PCED1B: variants seen among roughly 807,000 people sequenced by gnomAD.
The protein encoded by PCED1B is PC-esterase domain containing 1B, also known as PC-esterase domain-containing protein 1B.
For synonymous variants in PCED1B, 251 were observed against 246.1 expected (o/e 1.02, Z -0.19); for missense variants, 573 against 573.9 (o/e 1.00, Z 0.02).
chr12:47,131,125 T>A (rs1229194525), intron 2 of PCED1B, among the ~76,000 whole-genome samples: 2 of 152,202 alleles, frequency 1.3e-5, no homozygotes, highest in African/African-American at 4.8e-5. Flanking sequence ...ATATCCTTAT[T>A]CTATCACTTG....
chr12:47,160,426 T>A (rs1304180100), intron 2 of PCED1B, among the ~76,000 whole-genome samples: 1 of 150,970 alleles, frequency 6.6e-6, no homozygotes, highest in African/African-American at 2.4e-5. Flanking sequence ...CTCAGCCTCC[T>A]GAGTAGCTAG....
At chr12:47,216,788 A>G (rs1292354582) in intron 3 of PCED1B, 99 bp downstream of exon 3, 1 of 152,202 alleles carries the variant, frequency 6.6e-6, no homozygotes, top group Non-Finnish European at 1.5e-5. Flanking sequence ...CTTACTGTAG[A>G]CAGGAATCAG....
intron 2 of PCED1B, among the ~76,000 whole-genome samples, chr12:47,141,584 C>T (rs757912941): frequency 1.3e-5 from 2 of 152,110 alleles, no homozygotes; most frequent in African/African-American, 4.8e-5. Context: ...GCTCTCTTGG[C>T]CATGGTCTGA....
chr12:47,176,216 A>G (rs1941919539), intron 2 of PCED1B, among the ~76,000 whole-genome samples: 1 of 152,242 alleles, frequency 6.6e-6, no homozygotes, highest in African/African-American at 2.4e-5. Context: ...TTCCTGGCAC[A>G]GAGCTCCTAA....
chr12:47,131,808 A>G (rs1940141565), intron 2 of PCED1B, among the ~76,000 whole-genome samples: 1 of 151,892 alleles, frequency 6.6e-6, no homozygotes, highest in Non-Finnish European at 1.5e-5. Flanking sequence ...AGCTGGGATT[A>G]CAGGCATGCG....
At chr12:47,192,361 GA>G (rs2137663144) in intron 2 of PCED1B, among the ~76,000 whole-genome samples, 1 of 151,614 alleles carries the variant, frequency 6.6e-6, no homozygotes, top group Non-Finnish European at 1.5e-5. Flanking sequence ...ATGTAGCCTG[GA>G]AAAAAAATGG....
intron 3 of PCED1B, among the ~76,000 whole-genome samples, chr12:47,226,057 C>A (rs1277874510): frequency 2.6e-5 from 4 of 152,064 alleles, no homozygotes; most frequent in African/African-American, 9.7e-5. Context: ...AAACAAGATG[C>A]TGGAAAGTAA....
chr12:47,222,572 G>C (rs1943517228), intron 3 of PCED1B, among the ~76,000 whole-genome samples: 2 of 152,256 alleles, frequency 1.3e-5, no homozygotes, highest in African/African-American at 2.4e-5. Flanking sequence ...GTCTGGGCTA[G>C]AGACAAAGAT....
chr12:47,133,666 C>A (rs1940225617), intron 2 of PCED1B, among the ~76,000 whole-genome samples: 1 of 152,140 alleles, frequency 6.6e-6, no homozygotes, highest in Non-Finnish European at 1.5e-5. Flanking sequence ...AAAAATTATA[C>A]CCAGATATAT....
At chr12:47,121,493 A>G (rs982543814) in intron 2 of PCED1B, among the ~76,000 whole-genome samples, 9 of 152,222 alleles carry the variant, frequency 5.9e-5, no homozygotes, top group African/African-American at 1.9e-4. Flanking sequence ...TCTTTTTTTA[A>G]AGAAATCTCC....
intron 2 of PCED1B, among the ~76,000 whole-genome samples, chr12:47,168,720 A>G (rs943241938): frequency 1.3e-5 from 2 of 152,166 alleles, no homozygotes; most frequent in Admixed American, 1.3e-4. Flanking sequence ...TTGCTTTGAA[A>G]TAATTTTGAA....
In PCED1B at chr12:47,235,486, G is replaced by A. The variant is rs550865075; in HGVS notation, c.423G>A (p.Glu141=). Residue 141 remains glutamate (E), a synonymous_variant, in exon 4 of 4, where the codon GAG becomes GAA. Transcript: ENST00000546455. ...YGPNSWRSYL[E]NLENLFQCLG... is the part of the protein sequence containing the mutation. ...CGAACTCCTGGAGAAGCTACCTGGA[G>A]AACCTGGAGAACCTGTTCCAGTGCC... 6.2e-6 allele frequency: 10 copies of A among 1,613,360 alleles called. No homozygotes were observed. In the African/African-American group the frequency reaches 1.2e-4, roughly 19 times the overall value.
At chr12:47,100,575 G>T (rs1938659584) in intron 1 of PCED1B, among the ~76,000 whole-genome samples, 1 of 152,076 alleles carries the variant, frequency 6.6e-6, no homozygotes, top group African/African-American at 2.4e-5. Flanking sequence ...TCAAAATATT[G>T]AGTCAGAAAC....
rs148826369 is a variant in PCED1B, at chr12:47,098,063, A to G, written c.-608-6050A>G. On this transcript the variant is annotated intron_variant, in intron 1 of 3. Transcript: ENST00000546455. ...CATTTGCTTTTGGGTAGTAGTTGAC[A>G]TGCTTTGGGGCATTTATGCTGCCTC... Among the ~76,000 whole-genome samples, 7 of 152,320 alleles carry G rather than the reference A, an allele frequency of 4.6e-5. No individual in the cohort carries two copies. In the East Asian group the frequency reaches 1.3e-3, roughly 29 times the overall value.
chr12:47,111,344 G>T (rs903160505), intron 2 of PCED1B, among the ~76,000 whole-genome samples: 2 of 152,046 alleles, frequency 1.3e-5, no homozygotes, highest in Non-Finnish European at 2.9e-5. Flanking sequence ...GATCACCATG[G>T]TTTTCACTGA....
intron 2 of PCED1B, among the ~76,000 whole-genome samples, chr12:47,105,033 C>T (rs1015096453): frequency 7.9e-5 from 12 of 152,224 alleles, no homozygotes; most frequent in Non-Finnish European, 1.5e-4. Context: ...AAAATGGACT[C>T]ACTCTGCTAA....
chr12:47,222,513 A>G (rs771787974), intron 3 of PCED1B, among the ~76,000 whole-genome samples: 1 of 151,442 alleles, frequency 6.6e-6, no homozygotes, highest in Non-Finnish European at 1.5e-5. Flanking sequence ...CTCCAACCCC[A>G]GATAACTTTA....
chr12:47,155,662 T>C (rs1434057315), intron 2 of PCED1B, among the ~76,000 whole-genome samples: 1 of 152,178 alleles, frequency 6.6e-6, no homozygotes, highest in African/African-American at 2.4e-5. Flanking sequence ...TCCTAGAGGT[T>C]AGGTAAAGTA....
intron 2 of PCED1B, among the ~76,000 whole-genome samples, chr12:47,151,530 A>T (rs911662407): frequency 3.3e-5 from 5 of 152,182 alleles, no homozygotes; most frequent in Admixed American, 3.3e-4. Context: ...ATATAAAGAG[A>T]TCTATTATAA....
Sources: allele counts gnomAD v4.1 joint callset (sites outside exome capture counted in the v4.1 genomes callset), GRCh38; gene constraint gnomAD v4.1.1; transcripts MANE v1.5; gene names NCBI Gene and HGNC (gene_info 2026-07-23, HGNC 2026-07-21).